RAB5A: variants seen among roughly 807,000 people sequenced by gnomAD.
RAB5A encodes the protein RAB5A, member RAS oncogene family.
RAB5A carries 8 observed loss-of-function variants against 25.7 expected under a neutral mutation model. The observed-to-expected ratio is 0.31, with a 90% CI of 0.18 to 0.56. The LOEUF is 0.56. Ranked by LOEUF, RAB5A falls within the 20% of genes least tolerant of loss-of-function variation. The pLI is 0.91. For missense variants in RAB5A, 192 were observed against 259.7 expected (o/e 0.74, Z 1.79); for synonymous variants, 98 against 89.8 (o/e 1.09, Z -0.52).
At chr3:19,954,668 A>G (rs1398980225) in intron 2 of RAB5A, among the ~76,000 whole-genome samples, 1 of 152,088 alleles carries the variant, frequency 6.6e-6, no homozygotes, top group Non-Finnish European at 1.5e-5. Context: ...AAATACGAAA[A>G]TTAACCGGGC....
At chr3:19,962,029 C>T (rs1232906322) in intron 2 of RAB5A, among the ~76,000 whole-genome samples, 3 of 152,104 alleles carry the variant, frequency 2.0e-5, no homozygotes, top group Non-Finnish European at 2.9e-5. Context: ...CAGTTCATTA[C>T]GGGGCAAGAA....
chr3:19,970,473 G>A, intron 2 of RAB5A: 1 of 446,062 alleles, frequency 2.2e-6, no homozygotes, highest in Non-Finnish European at 4.5e-6. Context: ...GTAGCTCAGA[G>A]GGAGCCTATC....
intron 2 of RAB5A, among the ~76,000 whole-genome samples, chr3:19,969,090 A>G (rs1696707738): frequency 7.5e-6 from 1 of 133,240 alleles, no homozygotes; most frequent in South Asian, 2.3e-4. Context: ...TGTTGCCCAG[A>G]CTGGGGTGCA....
In RAB5A at chr3:19,956,736, C is replaced by CAATG. The variant is rs1406582607; in HGVS notation, c.163+5676_163+5679dup. Among the ~76,000 whole-genome samples, 8 of 152,298 alleles carry CAATG rather than the reference C, an allele frequency of 5.3e-5. No homozygotes were observed. The East Asian group carries it at 1.5e-3, about 29-fold the overall frequency. ...TGTATCCAGATTGAAGTTTTTACCA[C>CAATG]AATGCCTGGCACAGTAAAAGGTTTA... On this transcript the variant is annotated intron_variant, in intron 2 of 5. Coordinates refer to ENST00000273047, the MANE Select transcript of RAB5A (RefSeq NM_004162.5).
At position 19,978,458 on chromosome 3, in the gene RAB5A, A is replaced by G. The variant is rs970951039; in HGVS notation, c.532+55A>G. On this transcript the variant is annotated intron_variant, in intron 5 of 5. Transcript: ENST00000273047. Reference sequence around the variant, plus strand: ...AATATAAGCAAAACAAGTGTGAAGCATATTTGGTTTGACTGTCTCTTTTTT... The same window carrying G: ...AATATAAGCAAAACAAGTGTGAAGCGTATTTGGTTTGACTGTCTCTTTTTT... 105 of 1,371,132 alleles carry G rather than the reference A, an allele frequency of 7.7e-5. No individual in the cohort carries two copies. In the South Asian group the frequency reaches 8.5e-4, roughly 11 times the overall value. The allele number at this position is 1,371,132 out of a possible 1,614,324, so 84.9% of individuals were successfully genotyped here. A position where few individuals can be genotyped will look rare whatever the true frequency, so the allele number is the denominator to read the frequency against.
At chr3:19,975,549 A>G in intron 2 of RAB5A, 52 bp from the exon 3 acceptor site, 1 of 1,558,600 alleles carries the variant, frequency 6.4e-7, no homozygotes, top group South Asian at 1.2e-5. Context: ...TTTCTATATT[A>G]TGAAAACATT....
chr3:19,953,437 G>A (rs1450198687), intron 2 of RAB5A, among the ~76,000 whole-genome samples: 1 of 136,752 alleles, frequency 7.3e-6, no homozygotes, highest in East Asian at 2.0e-4. Flanking sequence ...TTGGAGACAA[G>A]GTCTCTGTCG....
Position 19,983,716 on chromosome 3 carries a change from T to C in RAB5A, c.541T>C (p.Leu181=). Residue 181 remains leucine (L), a synonymous_variant, in exon 6 of 6, where the codon TTG becomes CTG. Transcript: ENST00000273047. The part of the protein sequence containing the change: ...NEIFMAIAKK[L]PKNEPQNPGA... ...TGATCATTTTCTTTCAGCTAAAAAA[T>C]TGCCAAAGAATGAACCACAAAATCC... The C allele has an allele frequency of 1.2e-6, 2 of 1,603,856 alleles. No individual in the cohort carries two copies. Among genetic ancestry groups the C allele is most frequent in the Non-Finnish European group, 1.7e-6 (2 of 1,172,688 alleles).
chr3:19,961,826 A>T (rs1159327625), intron 2 of RAB5A, among the ~76,000 whole-genome samples: 1 of 152,184 alleles, frequency 6.6e-6, no homozygotes, highest in Non-Finnish European at 1.5e-5. Context: ...CTCCCTTTTT[A>T]CAAAATTTGA....
chr3:19,954,394 C>G (rs1306747497), intron 2 of RAB5A, among the ~76,000 whole-genome samples: 2 of 152,156 alleles, frequency 1.3e-5, no homozygotes, highest in Admixed American at 6.5e-5. Context: ...ATTTTAATCT[C>G]TATTTGATTG....
chr3:19,976,010 T>G, intron 3 of RAB5A, 37 bp from the exon 4 acceptor site: 1 of 1,588,258 alleles, frequency 6.3e-7, no homozygotes, highest in Non-Finnish European at 8.5e-7. Flanking sequence ...AACCATTTTT[T>G]GAGCCTGTGC....
At chr3:19,961,444 T>G (rs1217225303) in intron 2 of RAB5A, among the ~76,000 whole-genome samples, 6 of 152,222 alleles carry the variant, frequency 3.9e-5, no homozygotes, top group Admixed American at 2.6e-4. Context: ...ACAAGTGTTC[T>G]GTTAAATAAT....
chr3:19,980,550 A>G (rs527951047), intron 5 of RAB5A, among the ~76,000 whole-genome samples: 19 of 152,110 alleles, frequency 1.2e-4, no homozygotes, highest in Non-Finnish European at 2.5e-4. Flanking sequence ...AGGACTAAAA[A>G]GTTACTCGTT....
chr3:19,955,837 C>T (rs566113041), intron 2 of RAB5A, among the ~76,000 whole-genome samples: 2 of 151,958 alleles, frequency 1.3e-5, no homozygotes, highest in African/African-American at 4.8e-5. Context: ...GAGGTTGTTG[C>T]AATGAGCCGA....
At chr3:19,971,034 T>A (rs1696741871) in intron 2 of RAB5A, among the ~76,000 whole-genome samples, 1 of 151,892 alleles carries the variant, frequency 6.6e-6, no homozygotes, top group Admixed American at 6.6e-5. Context: ...CCATCTCTAC[T>A]AAAAATACAA....
chr3:19,972,273 C>A (rs1325753493), intron 2 of RAB5A, among the ~76,000 whole-genome samples: 2 of 152,152 alleles, frequency 1.3e-5, no homozygotes, highest in Non-Finnish European at 2.9e-5. Flanking sequence ...GCAAATATTA[C>A]AAAATCTTTA....
At position 19,950,833 on chromosome 3, in the gene RAB5A, T is replaced by G; in HGVS notation, c.-66T>G. 1 of 1,495,440 alleles carries G rather than the reference T, an allele frequency of 6.7e-7. No individual in the cohort carries two copies. The highest frequency in any genetic ancestry group is 2.0e-5 in the Admixed American group (1 of 51,090). The allele number at this position is 1,495,440 out of a possible 1,614,324, so 92.6% of individuals were successfully genotyped here. Reference sequence around the variant, plus strand: ...TTCTTTACCTCCAGAAAGAAGAATATTGGCCCCTTGAATTCTGGAAGTTCA... The same window carrying G: ...TTCTTTACCTCCAGAAAGAAGAATAGTGGCCCCTTGAATTCTGGAAGTTCA... On this transcript the variant is annotated 5_prime_UTR_variant, in exon 2 of 6. Transcript: ENST00000273047.
chr3:19,959,625 A>AT (rs63289661), intron 2 of RAB5A, among the ~76,000 whole-genome samples: 17,690 of 117,794 alleles, frequency 0.15, 1,708 homozygotes, highest in Non-Finnish European at 0.21. Context: ...TTGTGTTCTG[A>AT]TTTTTTTTTT....
chr3:19,970,285 C>G (rs1348154174), intron 2 of RAB5A, among the ~76,000 whole-genome samples: 1 of 152,152 alleles, frequency 6.6e-6, no homozygotes, highest in African/African-American at 2.4e-5. Context: ...AGTGTCTTCC[C>G]CTGGCTTACT....
Sources: allele counts gnomAD v4.1 joint callset (sites outside exome capture counted in the v4.1 genomes callset), GRCh38; gene constraint gnomAD v4.1.1; transcripts MANE v1.5; gene names NCBI Gene and HGNC (gene_info 2026-07-23, HGNC 2026-07-21).